Variants in CDH20 observed in about 807,000 individuals in gnomAD.
The protein encoded by CDH20 is cadherin 20.
A neutral mutation model predicts 74.2 loss-of-function variants in CDH20; 29 were observed. The observed-to-expected ratio is 0.39, with a 90% CI of 0.29 to 0.53. The LOEUF is 0.53. CDH20 is among the 20% of genes least tolerant of loss of function. The pLI, the probability that CDH20 is intolerant of heterozygous loss-of-function variation, is 0.69. For synonymous variants in CDH20, 469 were observed against 405.4 expected, an observed-to-expected ratio of 1.16 and a Z score of -1.88; for missense variants, 988 against 1,048.3, an observed-to-expected ratio of 0.94 and a Z score of 0.79.
chr18:61,539,658 C>T (rs914073816), intron 9 of CDH20, among the ~76,000 whole-genome samples: 15 of 152,060 alleles, frequency 9.9e-5, no homozygotes, highest in Admixed American at 2.0e-4. Context: ...ACTCTTTTCC[C>T]GAGTGTGGTA....
chr18:61,363,449 C>G (rs1308598373), intron 1 of CDH20, among the ~76,000 whole-genome samples: 1 of 152,150 alleles, frequency 6.6e-6, no homozygotes. Context: ...GAAAAAGTAT[C>G]TCTCATGGAT....
intron 1 of CDH20, among the ~76,000 whole-genome samples, chr18:61,440,843 T>G (rs1257587342): frequency 6.6e-6 from 1 of 152,116 alleles, no homozygotes; most frequent in African/African-American, 2.4e-5. Context: ...GCTTGGAACT[T>G]CTGCAGGCCA....
intron 6 of CDH20, among the ~76,000 whole-genome samples, chr18:61,520,315 CAAA>C (rs58685164): frequency 2.0e-4 from 25 of 122,056 alleles, no homozygotes; most frequent in African/African-American, 4.7e-4. Flanking sequence ...GACTCCGTCT[CAAA>C]AAAAAAAAAA....
chr18:61,547,492 T>C (rs574020466), intron 10 of CDH20, among the ~76,000 whole-genome samples: 100 of 152,322 alleles, frequency 6.6e-4, no homozygotes, highest in African/African-American at 2.2e-3. Context: ...ATGAAAAGAA[T>C]TATGTGTATA....
intron 1 of CDH20, among the ~76,000 whole-genome samples, chr18:61,379,609 T>C (rs944327082): frequency 3.9e-5 from 6 of 152,206 alleles, no homozygotes; most frequent in African/African-American, 1.4e-4. Flanking sequence ...TAGTTCCCAG[T>C]ATGAATCCCA....
chr18:61,409,433 C>A (rs1421415012), intron 1 of CDH20, among the ~76,000 whole-genome samples: 1 of 152,152 alleles, frequency 6.6e-6, no homozygotes, highest in Admixed American at 6.5e-5. Context: ...CACATCTCAG[C>A]AGACCCTTCG....
At chr18:61,552,200 T>C (rs1363445835) in intron 11 of CDH20, among the ~76,000 whole-genome samples, 1 of 152,000 alleles carries the variant, frequency 6.6e-6, no homozygotes, top group African/African-American at 2.4e-5. Context: ...GTCTCATATA[T>C]GTATCTAGTG....
At chr18:61,360,604 C>T (rs1910655638) in intron 1 of CDH20, among the ~76,000 whole-genome samples, 1 of 152,220 alleles carries the variant, frequency 6.6e-6, no homozygotes, top group Admixed American at 6.5e-5. Flanking sequence ...GAGGCAGAAA[C>T]TGTGAAGGCT....
At chr18:61,403,420 A>T (rs8089621) in intron 1 of CDH20, among the ~76,000 whole-genome samples, 2 of 152,208 alleles carry the variant, frequency 1.3e-5, no homozygotes, top group Non-Finnish European at 2.9e-5. Flanking sequence ...GGGAAACAAG[A>T]CTACCATGTT....
chr18:61,519,156 T>C (rs138547970), intron 6 of CDH20, among the ~76,000 whole-genome samples: 5,800 of 151,406 alleles, frequency 0.038, 239 homozygotes, highest in Middle Eastern at 0.085. Flanking sequence ...TTGTTGTACC[T>C]GAAAGTGACG....
At chr18:61,365,997 C>T (rs1910844829) in intron 1 of CDH20, among the ~76,000 whole-genome samples, 1 of 152,106 alleles carries the variant, frequency 6.6e-6, no homozygotes. Context: ...TAAAAAAGAA[C>T]ACGACTTGCA....
At chr18:61,554,159 G>C in intron 11 of CDH20, 31 bp from the exon 12 acceptor site, 1 of 1,588,486 alleles carries the variant, frequency 6.3e-7, no homozygotes, top group Non-Finnish European at 8.6e-7. Context: ...CATCTCCTCG[G>C]TAAACACACT....
intron 1 of CDH20, among the ~76,000 whole-genome samples, chr18:61,471,782 C>A (rs73451464): frequency 2.2e-4 from 33 of 152,132 alleles, no homozygotes; most frequent in African/African-American, 7.0e-4. Flanking sequence ...TCCTGGCTGT[C>A]GGTAATGACA....
intron 1 of CDH20, among the ~76,000 whole-genome samples, chr18:61,448,829 A>C (rs960890039): frequency 6.6e-6 from 1 of 152,220 alleles, no homozygotes; most frequent in African/African-American, 2.4e-5. Context: ...CTTTGGTTTA[A>C]ACAAGATGAC....
intron 1 of CDH20, among the ~76,000 whole-genome samples, chr18:61,408,658 A>G (rs1912404231): frequency 6.6e-6 from 1 of 152,152 alleles, no homozygotes; most frequent in Non-Finnish European, 1.5e-5. Context: ...TAGTTTTTAG[A>G]TTGATTTTTC....
intron 6 of CDH20, among the ~76,000 whole-genome samples, chr18:61,510,280 G>C (rs1339947565): frequency 1.3e-5 from 2 of 152,278 alleles, no homozygotes; most frequent in East Asian, 3.9e-4. Context: ...CAAGGAGACT[G>C]AGGGGCGACC....
At position 61,466,899 on chromosome 18, in the gene CDH20, T is replaced by C. The variant is rs191418561; in HGVS notation, c.-152-23503T>C. Among the ~76,000 whole-genome samples the C allele has an allele frequency of 2.9e-3, 445 of 152,306 alleles. 1 individual carries two copies. Among genetic ancestry groups the C allele is most frequent in the African/African-American group, 9.7e-3 (405 of 41,576 alleles). ...CTTCTCTGTCCCACTTCCTCTGCTC[T>C]GCTTCTGCAGGGCACAGCGCCCCAG... is the stretch of plus-strand genomic sequence containing the variant. On this transcript the variant is annotated intron_variant, in intron 1 of 11. Coordinates refer to ENST00000262717, the MANE Select transcript of CDH20 (RefSeq NM_031891.4).
intron 1 of CDH20, among the ~76,000 whole-genome samples, chr18:61,354,214 G>GA (rs1910414996): frequency 6.6e-6 from 1 of 152,098 alleles, no homozygotes; most frequent in Non-Finnish European, 1.5e-5. Context: ...GTGAGTGCTG[G>GA]TCTCGACACC....
At chr18:61,440,815 A>C (rs1909005001) in intron 1 of CDH20, among the ~76,000 whole-genome samples, 1 of 152,166 alleles carries the variant, frequency 6.6e-6, no homozygotes, top group Non-Finnish European at 1.5e-5. Context: ...GGAAGGGCAC[A>C]GGTCTCTTGA....
Sources: allele counts gnomAD v4.1 joint callset (sites outside exome capture counted in the v4.1 genomes callset), GRCh38; gene constraint gnomAD v4.1.1; transcripts MANE v1.5; gene names NCBI Gene and HGNC (gene_info 2026-07-23, HGNC 2026-07-21).